Variants in CHEK2 observed in about 807,000 individuals in gnomAD.
CHEK2 encodes checkpoint kinase 2, also known as serine/threonine-protein kinase Chk2.
Under a neutral mutation model 69.1 loss-of-function variants are expected in CHEK2, and 71 were observed. That is an observed-to-expected ratio of 1.03 (90% CI 0.85 to 1.25). The LOEUF (loss-of-function observed/expected upper bound fraction) is 1.25, where lower values mean the gene tolerates loss of function less well. CHEK2 is among the 50% of genes most tolerant of loss of function. The pLI is 0.00. For missense variants in CHEK2, 664 were observed against 649.6 expected (o/e 1.02, Z -0.24); for synonymous variants, 189 against 226.9 (o/e 0.83, Z 1.50).
chr22:28,741,748 G>T (rs185897360), intron 1 of CHEK2, 21 bp downstream of exon 1: 1 of 364,598 alleles, frequency 2.7e-6, no homozygotes, highest in East Asian at 5.6e-5. Flanking sequence ...ACACCCAACA[G>T]AAGTTCCCCA....
rs957233665 is a variant in CHEK2, at chr22:28,701,685, C to T, written c.909-1748G>A. Among the ~76,000 whole-genome samples, 4 of 152,258 alleles carry T rather than the reference C, an allele frequency of 2.6e-5. No individual in the cohort carries two copies. In the East Asian group the frequency reaches 7.7e-4, roughly 29 times the overall value. ...GAGACAGGAAGTTATTCTGATTACA[C>T]CAAATAACACAAGACATTATCGCCA... is the stretch of plus-strand genomic sequence containing the variant. On this transcript the variant is annotated intron_variant, in intron 8 of 14. Transcript: ENST00000404276.
intron 13 of CHEK2, among the ~76,000 whole-genome samples, chr22:28,691,412 A>G (rs2052358047): frequency 6.6e-6 from 1 of 152,252 alleles, no homozygotes; most frequent in Non-Finnish European, 1.5e-5. Flanking sequence ...CCAGAGGTAG[A>G]GGTTGCAGTG....
At chr22:28,704,629 G>A (rs1476099782) in intron 7 of CHEK2, among the ~76,000 whole-genome samples, 3 of 152,086 alleles carry the variant, frequency 2.0e-5, no homozygotes, top group South Asian at 2.1e-4. Context: ...CACCACGCCC[G>A]GTGGGCACAC....
intron 5 of CHEK2, among the ~76,000 whole-genome samples, chr22:28,715,076 C>A (rs1376790012): frequency 2.0e-5 from 3 of 152,232 alleles, no homozygotes; most frequent in African/African-American, 4.8e-5. Flanking sequence ...CCCTGTCATT[C>A]ATTCATACCT....
intron 7 of CHEK2, among the ~76,000 whole-genome samples, chr22:28,705,966 TAA>T (rs113074659): frequency 1.9e-4 from 2 of 10,788 alleles, no homozygotes; most frequent in Non-Finnish European, 4.3e-4. Context: ...TAAACTAAAC[TAA>T]AAACTAAACT....
intron 5 of CHEK2, among the ~76,000 whole-genome samples, chr22:28,714,638 T>C (rs937825455): frequency 6.6e-6 from 1 of 152,220 alleles, no homozygotes; most frequent in Non-Finnish European, 1.5e-5. Context: ...TTTTTAATTT[T>C]GATTAAGTCT....
At chr22:28,709,606 T>G (rs936978359) in intron 7 of CHEK2, among the ~76,000 whole-genome samples, 3 of 152,170 alleles carry the variant, frequency 2.0e-5, no homozygotes, top group Non-Finnish European at 4.4e-5. Flanking sequence ...TAGCTTTATT[T>G]ATTCTTTTAA....
In CHEK2 at chr22:28,724,907, C is replaced by T. The variant is rs1164080912; in HGVS notation, c.592+70G>A. On this transcript the variant is annotated intron_variant, in intron 4 of 14. Coordinates refer to ENST00000404276, the MANE Select transcript of CHEK2 (RefSeq NM_007194.4). Reference sequence around the variant, plus strand: ...TCACTTAAACCATATTCTGTAAGGACAGGACAAATTTTCCTCCTATGAGAG... The same window carrying T: ...TCACTTAAACCATATTCTGTAAGGATAGGACAAATTTTCCTCCTATGAGAG... The T allele has an allele frequency of 2.0e-6, 3 of 1,509,152 alleles. No homozygotes were observed. In the South Asian group the frequency reaches 3.4e-5, roughly 17 times the overall value. The allele number at this position is 1,509,152 out of a possible 1,614,324, so 93.5% of individuals were successfully genotyped here. A position where few individuals can be genotyped will look rare whatever the true frequency, so the allele number is the denominator to read the frequency against.
chr22:28,697,445 T>C (rs1377489595), intron 9 of CHEK2, among the ~76,000 whole-genome samples: 1 of 152,234 alleles, frequency 6.6e-6, no homozygotes, highest in African/African-American at 2.4e-5. Context: ...AATATATATC[T>C]GTTTATGTGA....
rs761278013 is a variant in CHEK2 at position 28,687,966 on chromosome 22, C to A, written c.1563G>T (p.Arg521=). The change falls in exon 15 of 15, where the codon CGG becomes CGT. Residue 521 remains arginine, a synonymous_variant. Transcript: ENST00000404276. ...VLAQPSTSRK[R]PREGEAEGAE... ...CACCCTCGGCTTCCCCTTCACGGGG[C>A]CGCTTTCGACTAGTAGAAGGCTGAA... is the stretch of plus-strand genomic sequence containing the variant. The A allele has an allele frequency of 6.3e-7, 1 of 1,596,068 alleles. No homozygotes were observed. Among genetic ancestry groups the A allele is most frequent in the Non-Finnish European group, 8.5e-7 (1 of 1,179,472 alleles).
At chr22:28,712,146 G>C (rs763627262) in intron 5 of CHEK2, 129 bp from the exon 6 acceptor site, 140 of 698,504 alleles carry the variant, frequency 2.0e-4, no homozygotes, top group Non-Finnish European at 3.1e-4. Flanking sequence ...GTCCCTGTTT[G>C]CAGAGGACAC....
In CHEK2 at chr22:28,734,394, G is replaced by C. The variant is rs772600733; in HGVS notation, c.319+9C>G. ...ACAAAACGTGATACTATACAACAAA[G>C]GGTCTTACCAAGATTGGCAAATCCA... On this transcript the variant is annotated intron_variant, in intron 2 of 14. Transcript: ENST00000404276. The C allele has an allele frequency of 1.2e-6, 2 of 1,612,796 alleles. No homozygotes were observed. Among genetic ancestry groups the C allele is most frequent in the Non-Finnish European group, 1.7e-6 (2 of 1,178,860 alleles).
intron 2 of CHEK2, chr22:28,730,492 G>C: frequency 1.4e-6 from 1 of 697,472 alleles, no homozygotes; most frequent in South Asian, 1.5e-5. Context: ...GAGGCAGGAG[G>C]ATCAGATGAC....
chr22:28,693,986 G>A (rs758744654), intron 13 of CHEK2, 46 bp downstream of exon 13: 1 of 1,198,854 alleles, frequency 8.3e-7, no homozygotes, highest in Non-Finnish European at 1.2e-6. Flanking sequence ...TCAGGCAGCA[G>A]GGCTTCCCAT....
At chr22:28,712,992 C>G (rs2053457712) in intron 5 of CHEK2, among the ~76,000 whole-genome samples, 1 of 152,218 alleles carries the variant, frequency 6.6e-6, no homozygotes, top group Non-Finnish European at 1.5e-5. Context: ...CTGTCCCCAG[C>G]ACTCAGCCCC....
rs1064795487 is a variant in CHEK2 at position 28,725,128 on chromosome 22, A to G, written c.445-4T>C. On this transcript the variant is annotated splice_region_variant and splice_polypyrimidine_tract_variant and intron_variant, in intron 3 of 14. Transcript: ENST00000404276. ...AAGAGTTTTTAGGACCCACTTCCTA[A>G]AATAGAGAACATTTTGTTTCAGACT... The G allele has an allele frequency of 6.2e-7, 1 of 1,614,018 alleles. No homozygotes were observed. Among genetic ancestry groups the G allele is most frequent in the African/African-American group, 1.3e-5 (1 of 74,944 alleles).
intron 1 of CHEK2, among the ~76,000 whole-genome samples, chr22:28,735,621 C>T (rs2054379759): frequency 1.3e-5 from 2 of 149,018 alleles, no homozygotes; most frequent in African/African-American, 5.0e-5. Context: ...GTGGCTCACA[C>T]CTATAATCCC....
At chr22:28,721,913 C>A (rs2053800558) in intron 4 of CHEK2, among the ~76,000 whole-genome samples, 1 of 151,528 alleles carries the variant, frequency 6.6e-6, no homozygotes, top group African/African-American at 2.4e-5. Context: ...TTATGTTTGG[C>A]AGAGATGGGG....
At chr22:28,713,282 A>T (rs1248285787) in intron 5 of CHEK2, among the ~76,000 whole-genome samples, 1 of 152,192 alleles carries the variant, frequency 6.6e-6, no homozygotes, top group African/African-American at 2.4e-5. Context: ...CAAAAGCATA[A>T]GCAACAAAAG....
Sources: allele counts gnomAD v4.1 joint callset (sites outside exome capture counted in the v4.1 genomes callset), GRCh38; gene constraint gnomAD v4.1.1; transcripts MANE v1.5; gene names NCBI Gene and HGNC (gene_info 2026-07-23, HGNC 2026-07-21).